Variants in ZC3H12D observed in about 807,000 individuals in gnomAD.
ZC3H12D encodes probable ribonuclease ZC3H12D.
In ZC3H12D, 11 loss-of-function variants were observed where a neutral mutation model predicts 24.2. That is an observed-to-expected ratio of 0.46 (90% CI 0.29 to 0.75). ZC3H12D has a LOEUF of 0.75. Among genes scored for constraint, ZC3H12D ranks in the 30% least tolerant of loss-of-function variants. ZC3H12D has a pLI of 0.11. For synonymous variants in ZC3H12D, 333 were observed against 341.8 expected, an observed-to-expected ratio of 0.97 and a Z score of 0.28; for missense variants, 740 against 767.7, an observed-to-expected ratio of 0.96 and a Z score of 0.43.
rs200917878 is a variant in ZC3H12D at position 149,456,778 on chromosome 6, G to T, written c.568C>A (p.Gln190Lys). Reference sequence around the variant, plus strand: ...TCGTTGGAGACGATGACGCCGTCCTGCTCGTAGGCCACCTTCACGATGTAG... The same window carrying T: ...TCGTTGGAGACGATGACGCCGTCCTTCTCGTAGGCCACCTTCACGATGTAG... ...DRYIVKVAYEQDGVIVSNDNY... is the reference protein window; with the variant it reads ...DRYIVKVAYEKDGVIVSNDNY... Residue 190 changes from glutamine to lysine, a missense_variant, in exon 4 of 6, where the codon CAG becomes AAG. Coordinates refer to ENST00000409806, the MANE Select transcript of ZC3H12D (RefSeq NM_207360.3). The surrounding 1 kb of genome is among the most constrained non-coding windows in gnomAD (Gnocchi z 4.3). 6.1e-4 allele frequency: 981 copies of T among 1,613,714 alleles called. 4 individuals carry two copies. The African/African-American group carries it at 0.012, about 19-fold the overall frequency.
At position 149,456,811 on chromosome 6, in the gene ZC3H12D, C is replaced by T. The variant is rs762625741; in HGVS notation, c.535G>A (p.Asp179Asn). 6 of 1,612,968 alleles carry T rather than the reference C, an allele frequency of 3.7e-6. No individual in the cohort carries two copies. In the Admixed American group the frequency reaches 1.0e-4, roughly 27 times the overall value. The stretch of plus-strand genomic sequence containing the variant: ...GCCACCTTCACGATGTAGCGGTCGT[C>T]GTAGCAGACCAGGCGCTTGCCGTGC... ...KVHGKRLVCY[D>N]DRYIVKVAYE... The change falls in exon 4 of 6, where the codon GAC becomes AAC. Residue 179 changes from aspartate (D) to asparagine (N), a missense_variant. Physicochemically the swap from Asp to Asn is conservative, Grantham distance 23. Transcript: ENST00000409806. The surrounding 1 kb of genome is among the most constrained non-coding windows in gnomAD (Gnocchi z 4.3).
chr6:149,449,661 A>T lies in ZC3H12D; in HGVS notation c.*1022T>A, dbSNP rs533359932. 2 of 151,750 alleles carry T rather than the reference A, an allele frequency of 1.3e-5. No individual in the cohort carries two copies. Among genetic ancestry groups the T allele is most frequent in the Admixed American group, 1.3e-4 (2 of 15,242 alleles). 9.4% of individuals were successfully genotyped at this position (151,750 alleles called of 1,614,324 possible). ...ACCATGTTGGCCAGGCTGGTCTCGA[A>T]CTCCTGACCTCAAGTGATCTGCCTG... On this transcript the variant is annotated 3_prime_UTR_variant, in exon 6 of 6. Coordinates refer to ENST00000409806, the MANE Select transcript of ZC3H12D (RefSeq NM_207360.3).
At chr6:149,457,019 G>T in intron 3 of ZC3H12D, 119 bp from the exon 4 acceptor site, 1 of 947,446 alleles carries the variant, frequency 1.1e-6, no homozygotes, top group Non-Finnish European at 1.5e-6. Flanking sequence ...AGGGGAGCGG[G>T]GAAAAAACAC....
At chr6:149,466,629 G>A (rs531043465) in intron 2 of ZC3H12D, among the ~76,000 whole-genome samples, 2 of 152,276 alleles carry the variant, frequency 1.3e-5, no homozygotes, top group Non-Finnish European at 2.9e-5. Context: ...TGTAATCCCA[G>A]CACTTTGGGA....
chr6:149,477,753 A>G (rs577274020), intron 1 of ZC3H12D, among the ~76,000 whole-genome samples: 1 of 152,314 alleles, frequency 6.6e-6, no homozygotes, highest in African/African-American at 2.4e-5. Flanking sequence ...CTTAAGTGCT[A>G]TGGGAACTCA....
intron 1 of ZC3H12D, among the ~76,000 whole-genome samples, chr6:149,481,590 G>A (rs1344631961): frequency 6.6e-6 from 1 of 151,654 alleles, no homozygotes; most frequent in African/African-American, 2.4e-5. Flanking sequence ...GGTCAAACTG[G>A]TCTCGAACTC....
chr6:149,460,946 A>G (rs1377215013), intron 3 of ZC3H12D, among the ~76,000 whole-genome samples: 4 of 152,206 alleles, frequency 2.6e-5, no homozygotes, highest in Non-Finnish European at 5.9e-5. Context: ...GCAAGTCTGC[A>G]ATGAGCCATA....
chr6:149,480,672 G>C (rs545192760), intron 1 of ZC3H12D, among the ~76,000 whole-genome samples: 1 of 152,156 alleles, frequency 6.6e-6, no homozygotes, highest in Non-Finnish European at 1.5e-5. Flanking sequence ...GGAGGCGGAG[G>C]TTGCGGTGAG....
chr6:149,458,558 G>A (rs1776026063), intron 3 of ZC3H12D, among the ~76,000 whole-genome samples: 1 of 152,172 alleles, frequency 6.6e-6, no homozygotes, highest in African/African-American at 2.4e-5. Context: ...TGTGCCATAT[G>A]TTCATCACTA....
chr6:149,463,265 A>G (rs1178338785), intron 2 of ZC3H12D, among the ~76,000 whole-genome samples: 3 of 152,242 alleles, frequency 2.0e-5, no homozygotes, highest in African/African-American at 7.2e-5. Context: ...GAAGACTTCA[A>G]TGGAGGCAAT....
rs192993021 is a variant in ZC3H12D at position 149,474,250 on chromosome 6, G to A, written c.294C>T (p.Asn98=). The change falls in exon 2 of 6, where the codon AAC becomes AAT. Residue 98 remains asparagine, a synonymous_variant. Transcript: ENST00000409806. ...SLRPIVIDGS[N]VAMSHGNKET... ...TGAAGGGAAGCTACCTCATCGCCAC[G>A]TTGCTGCCATCAATCACTATGGGTC... 7.4e-6 allele frequency: 11 copies of A among 1,481,340 alleles called. No homozygotes were observed. The highest frequency in any genetic ancestry group is 4.7e-5 in the East Asian group (2 of 42,848). 91.8% of individuals were successfully genotyped at this position (1,481,340 alleles called of 1,614,324 possible).
intron 1 of ZC3H12D, among the ~76,000 whole-genome samples, chr6:149,481,723 A>T (rs574688582): frequency 1.3e-4 from 20 of 152,256 alleles, no homozygotes; most frequent in Non-Finnish European, 2.4e-4. Flanking sequence ...TGGTGGGAAG[A>T]TGGGGTAGAT....
At chr6:149,482,347 C>T (rs769853911) in intron 1 of ZC3H12D, among the ~76,000 whole-genome samples, 2 of 152,250 alleles carry the variant, frequency 1.3e-5, no homozygotes, top group Non-Finnish European at 1.5e-5. Context: ...AGCCGCGTCT[C>T]GTTTCCTCCT....
At chr6:149,459,932 C>G (rs982435250) in intron 3 of ZC3H12D, among the ~76,000 whole-genome samples, 1 of 152,048 alleles carries the variant, frequency 6.6e-6, no homozygotes, top group Non-Finnish European at 1.5e-5. Flanking sequence ...TATAGTCATG[C>G]ACTGCATAAC....
At chr6:149,469,285 G>A (rs534052319) in intron 2 of ZC3H12D, among the ~76,000 whole-genome samples, 1 of 152,230 alleles carries the variant, frequency 6.6e-6, no homozygotes, top group Non-Finnish European at 1.5e-5. Flanking sequence ...GTGAAACCCC[G>A]TCTGTATTAA....
chr6:149,459,583 G>A lies in ZC3H12D; in HGVS notation c.445+2248C>T, dbSNP rs1424197903. 5.6e-6 allele frequency: 4 copies of A among 709,042 alleles called. No homozygotes were observed. The South Asian group carries it at 5.9e-5, about 11-fold the overall frequency. 43.9% of individuals were successfully genotyped at this position (709,042 alleles called of 1,614,324 possible). On this transcript the variant is annotated intron_variant, in intron 3 of 5. Transcript: ENST00000409806. ...TTCTGGTGGTGGAGATGGAGTGGAA[G>A]TCGGGCAAAATCGGGATGACTAACA... is the stretch of plus-strand genomic sequence containing the variant.
At chr6:149,465,261 G>A (rs1776133373) in intron 2 of ZC3H12D, among the ~76,000 whole-genome samples, 1 of 151,972 alleles carries the variant, frequency 6.6e-6, no homozygotes, top group African/African-American at 2.4e-5. Context: ...GGCTGAGGCT[G>A]GAGAATCGCG....
chr6:149,459,414 A>G (rs1384324346), intron 3 of ZC3H12D: 2 of 583,988 alleles, frequency 3.4e-6, no homozygotes, highest in East Asian at 5.7e-5. Flanking sequence ...GGACAGCAGC[A>G]AACCCAGGAT....
At chr6:149,466,734 G>C (rs2115008311) in intron 2 of ZC3H12D, among the ~76,000 whole-genome samples, 1 of 152,178 alleles carries the variant, frequency 6.6e-6, no homozygotes, top group East Asian at 1.9e-4. Context: ...AAATCAGCCA[G>C]GCGTGGTGGC....
Sources: allele counts gnomAD v4.1 joint callset (sites outside exome capture counted in the v4.1 genomes callset), GRCh38; gene constraint gnomAD v4.1.1; non-coding constraint Gnocchi (gnomAD v3.1); transcripts MANE v1.5; gene names NCBI Gene and HGNC (gene_info 2026-07-23, HGNC 2026-07-21).